Variants in MYO3A observed in about 807,000 individuals in gnomAD.
MYO3A encodes the protein myosin-IIIa.
In MYO3A, 180 loss-of-function variants were observed where a neutral mutation model predicts 192.7. The observed-to-expected ratio is 0.93, with a 90% CI of 0.83 to 1.06. The LOEUF (loss-of-function observed/expected upper bound fraction) is 1.06, where lower values mean the gene tolerates loss of function less well. Among genes scored for constraint, MYO3A ranks in the 50% least tolerant of loss-of-function variants. MYO3A has a pLI of 0.00. For missense variants in MYO3A, 1,896 were observed against 1,905.0 expected (o/e 1.00, Z 0.09); for synonymous variants, 628 against 645.3 (o/e 0.97, Z 0.41).
intron 19 of MYO3A, among the ~76,000 whole-genome samples, chr10:26,125,872 G>A (rs905676841): frequency 1.3e-5 from 2 of 152,006 alleles, no homozygotes; most frequent in East Asian, 3.9e-4. Context: ...CTTAAAATGT[G>A]ATATCTTACT....
intron 10 of MYO3A, among the ~76,000 whole-genome samples, chr10:26,059,385 A>G (rs1237332241): frequency 6.6e-6 from 1 of 152,184 alleles, no homozygotes; most frequent in Non-Finnish European, 1.5e-5. Flanking sequence ...GGGAGTTTTT[A>G]TCATGAAAAG....
chr10:26,172,534 G>A lies in MYO3A; in HGVS notation c.3399-1129G>A, dbSNP rs990326509. On this transcript the variant is annotated intron_variant, in intron 29 of 34. Transcript: ENST00000642920. ...CTTCACCAGTGAAATGCATTTAAAG[G>A]ATCAAAACTAACTTATAAATGGATT... 1.3e-5 allele frequency among the ~76,000 whole-genome samples: 2 copies of A among 152,188 alleles called. 1 individual carries two copies. The highest frequency in any genetic ancestry group is 4.8e-5 in the African/African-American group (2 of 41,448).
rs1837749551 is a variant in MYO3A at position 25,959,103 on chromosome 10, C to T, written c.303+4095C>T. Among the ~76,000 whole-genome samples the T allele has an allele frequency of 2.6e-5, 4 of 152,032 alleles. No individual in the cohort carries two copies. In the South Asian group the frequency reaches 6.2e-4, roughly 24 times the overall value. On this transcript the variant is annotated intron_variant, in intron 4 of 34. Coordinates refer to ENST00000642920, the MANE Select transcript of MYO3A (RefSeq NM_017433.5). ...GAATTTTCTAGATATAGAATCATGT[C>T]GTCTGCAAACAGGGATTGTTTGCCT...
chr10:26,078,121 G>A (rs1457658426), intron 14 of MYO3A, among the ~76,000 whole-genome samples: 2 of 118,168 alleles, frequency 1.7e-5, no homozygotes, highest in East Asian at 2.0e-4. Flanking sequence ...GAATCCATCT[G>A]GTCCTGGACT....
intron 11 of MYO3A, 107 bp downstream of exon 11, chr10:26,067,181 ATTAAGAATC>A (rs1834905777): frequency 6.6e-6 from 5 of 758,252 alleles, no homozygotes; most frequent in Non-Finnish European, 1.1e-5. Flanking sequence ...TATGATGGTT[ATTAAGAATC>A]TTAACACTCA....
intron 20 of MYO3A, among the ~76,000 whole-genome samples, chr10:26,136,926 G>A (rs1350962830): frequency 2.0e-5 from 3 of 152,114 alleles, no homozygotes; most frequent in Admixed American, 6.5e-5. Flanking sequence ...GCTGAGGCAT[G>A]AGAATTGCTT....
At chr10:26,112,393 C>G (rs1463994499) in intron 17 of MYO3A, among the ~76,000 whole-genome samples, 1 of 152,210 alleles carries the variant, frequency 6.6e-6, no homozygotes, top group Non-Finnish European at 1.5e-5. Flanking sequence ...TGAGCATTTA[C>G]TTCCTTTTTA....
At chr10:26,021,065 A>T (rs1266039613) in intron 7 of MYO3A, among the ~76,000 whole-genome samples, 1 of 152,154 alleles carries the variant, frequency 6.6e-6, no homozygotes, top group Non-Finnish European at 1.5e-5. Flanking sequence ...ATCTAACTAG[A>T]CAGCCCTCAA....
At chr10:26,069,267 A>T (rs546960120) in intron 12 of MYO3A, among the ~76,000 whole-genome samples, 1 of 152,236 alleles carries the variant, frequency 6.6e-6, no homozygotes, top group African/African-American at 2.4e-5. Context: ...TTGTTTATGT[A>T]GATAATACAT....
intron 3 of MYO3A, among the ~76,000 whole-genome samples, chr10:25,953,455 T>A (rs1371451247): frequency 6.6e-6 from 1 of 152,112 alleles, no homozygotes; most frequent in African/African-American, 2.4e-5. Flanking sequence ...TGTTGCTGAA[T>A]GTCTTCACAT....
At chr10:26,035,979 G>A (rs1564480533) in intron 10 of MYO3A, among the ~76,000 whole-genome samples, 1 of 152,022 alleles carries the variant, frequency 6.6e-6, no homozygotes, top group Admixed American at 6.5e-5. Context: ...TGTCGCCCAG[G>A]CTGGAGTGCA....
chr10:26,009,814 G>T (rs1466299893), intron 6 of MYO3A, among the ~76,000 whole-genome samples: 1 of 152,180 alleles, frequency 6.6e-6, no homozygotes, highest in East Asian at 1.9e-4. Context: ...AAATATCTTA[G>T]TCTGCAGCTC....
At chr10:26,210,690 G>A (rs1454670705) in intron 34 of MYO3A, among the ~76,000 whole-genome samples, 1 of 152,112 alleles carries the variant, frequency 6.6e-6, no homozygotes, top group African/African-American at 2.4e-5. Context: ...CAAATTATCT[G>A]AACACTAAAT....
intron 2 of MYO3A, among the ~76,000 whole-genome samples, chr10:25,945,077 A>G (rs1331415212): frequency 6.6e-6 from 1 of 151,878 alleles, no homozygotes; most frequent in Non-Finnish European, 1.5e-5. Context: ...AAGTTTTGCT[A>G]TGTTGTATTT....
At chr10:26,148,568 A>G (rs1840607805) in intron 23 of MYO3A, among the ~76,000 whole-genome samples, 1 of 152,202 alleles carries the variant, frequency 6.6e-6, no homozygotes. Flanking sequence ...ATGCACTGAA[A>G]CTATAGATCA....
intron 10 of MYO3A, among the ~76,000 whole-genome samples, chr10:26,064,963 T>G (rs1460408590): frequency 6.6e-6 from 1 of 152,040 alleles, no homozygotes; most frequent in Non-Finnish European, 1.5e-5. Context: ...GAATGAGTGG[T>G]GTGTAAGGCT....
chr10:25,993,662 T>G (rs1267658457), intron 4 of MYO3A, among the ~76,000 whole-genome samples: 1 of 152,214 alleles, frequency 6.6e-6, no homozygotes, highest in Non-Finnish European at 1.5e-5. Flanking sequence ...TGCTATAAAT[T>G]TCCCTCTACA....
At chr10:26,190,761 G>GA (rs1471740227) in intron 31 of MYO3A, among the ~76,000 whole-genome samples, 1 of 152,148 alleles carries the variant, frequency 6.6e-6, no homozygotes, top group Middle Eastern at 3.2e-3. Context: ...ATTTGTTGGT[G>GA]AAATGCACCC....
chr10:25,943,518 T>C (rs1222521118), intron 2 of MYO3A, among the ~76,000 whole-genome samples: 1 of 152,166 alleles, frequency 6.6e-6, no homozygotes, highest in African/African-American at 2.4e-5. Context: ...AACACAGATA[T>C]CTTTCCATTT....
Sources: gnomAD v4.1 joint callset for allele counts (sites outside exome capture counted in the v4.1 genomes callset) on GRCh38, gnomAD v4.1.1 for gene constraint, MANE v1.5 for transcripts, NCBI Gene and HGNC (gene_info 2026-07-23, HGNC 2026-07-21) for gene names.